Variants in ALDH5A1 observed in about 807,000 individuals in gnomAD.
The protein encoded by ALDH5A1 is aldehyde dehydrogenase 5 family member A1.
Under a neutral mutation model 54.7 loss-of-function variants are expected in ALDH5A1, and 33 were observed. That is an observed-to-expected ratio of 0.60 (90% CI 0.46 to 0.81). The LOEUF is 0.81. ALDH5A1 is among the 30% of genes least tolerant of loss of function. ALDH5A1 has a pLI of 0.00. For synonymous variants in ALDH5A1, 294 were observed against 292.7 expected (o/e 1.00, Z -0.05); for missense variants, 657 against 711.0 (o/e 0.92, Z 0.86).
intron 5 of ALDH5A1, among the ~76,000 whole-genome samples, chr6:24,517,868 C>G (rs144612741): frequency 7.6e-4 from 116 of 152,360 alleles, no homozygotes; most frequent in African/African-American, 2.6e-3. Context: ...GCATACACAG[C>G]GAGCCTGTTC....
rs1440564057 is a variant in ALDH5A1, at chr6:24,509,937, T to TCA, written c.726+4952_726+4953insCA. Among the ~76,000 whole-genome samples the TCA allele has an allele frequency of 6.6e-6, 1 of 152,162 alleles. No homozygotes were observed. The highest frequency in any genetic ancestry group is 2.1e-4 in the South Asian group (1 of 4,824). ...CTTTCAGACTTTTTGATGTAAGCAT[T>TCA]TAGGGCCATGAACTTGGCTCTTGGC... On this transcript the variant is annotated intron_variant, in intron 4 of 9. Transcript: ENST00000357578. This position sits in a 1 kb window ranked among gnomAD's most constrained non-coding sequence, Gnocchi z 4.7.
chr6:24,505,421 T>TATAAG (rs58966250), intron 4 of ALDH5A1, among the ~76,000 whole-genome samples: 135,558 of 151,590 alleles, frequency 0.89, 61,307 homozygotes, highest in African/African-American at 0.96. Flanking sequence ...TTCAAGGTCC[T>TATAAG]ATGTCACTTC....
intron 1 of ALDH5A1, among the ~76,000 whole-genome samples, chr6:24,496,757 C>G (rs576100491): frequency 1.3e-5 from 2 of 152,272 alleles, no homozygotes; most frequent in African/African-American, 4.8e-5. Flanking sequence ...TATATGTGTC[C>G]TAATCTCTTC....
At position 24,503,208 on chromosome 6, in the gene ALDH5A1, G is replaced by A. The variant is rs1283230928; in HGVS notation, c.439-55G>A. ...ATCTTGAAGAATTTAGGAACACAGA[G>A]CCATGCTTTTATTATTAGAAGGTAA... On this transcript the variant is annotated intron_variant, in intron 2 of 9. Transcript: ENST00000357578. 3.1e-6 allele frequency: 5 copies of A among 1,589,020 alleles called. No individual in the cohort carries two copies. The African/African-American group carries it at 4.0e-5, about 13-fold the overall frequency.
intron 1 of ALDH5A1, among the ~76,000 whole-genome samples, chr6:24,500,362 G>A (rs1329374806): frequency 6.6e-6 from 1 of 152,124 alleles, no homozygotes; most frequent in Non-Finnish European, 1.5e-5. Flanking sequence ...TTGCCAGTGA[G>A]CCACTATAAT....
chr6:24,505,085 T>G (rs1015882204), intron 4 of ALDH5A1, 100 bp downstream of exon 4: 1 of 1,208,274 alleles, frequency 8.3e-7, no homozygotes, highest in Admixed American at 1.7e-5. Flanking sequence ...CTTCTTTGCT[T>G]ACGCCTCCTG....
intron 7 of ALDH5A1, among the ~76,000 whole-genome samples, chr6:24,526,968 G>C (rs1414462208): frequency 2.7e-4 from 2 of 7,428 alleles, no homozygotes; most frequent in Non-Finnish European, 6.8e-4. Flanking sequence ...ATATATATGT[G>C]TGTGTGTATA....
intron 1 of ALDH5A1, among the ~76,000 whole-genome samples, chr6:24,496,399 A>G (rs1764705565): frequency 1.3e-5 from 2 of 152,214 alleles, no homozygotes; most frequent in Admixed American, 1.3e-4. Flanking sequence ...TCCGGGCCAG[A>G]GGGAAGGGGC....
intron 4 of ALDH5A1, among the ~76,000 whole-genome samples, chr6:24,512,412 A>G (rs1052984611): frequency 2.0e-5 from 3 of 152,216 alleles, no homozygotes; most frequent in Admixed American, 6.5e-5. Flanking sequence ...CATGATCTCT[A>G]AAATTATCTT....
chr6:24,517,923 C>A (rs1483650984), intron 5 of ALDH5A1, among the ~76,000 whole-genome samples: 1 of 152,232 alleles, frequency 6.6e-6, no homozygotes, highest in African/African-American at 2.4e-5. Context: ...GGGGGCCACC[C>A]CTCCCAGGAC....
chr6:24,500,896 A>T (rs1041084206), intron 1 of ALDH5A1, among the ~76,000 whole-genome samples: 2 of 151,660 alleles, frequency 1.3e-5, no homozygotes, highest in African/African-American at 4.8e-5. Flanking sequence ...TACAAAAAAA[A>T]TTTTTTTTTA....
At position 24,497,155 on chromosome 6, in the gene ALDH5A1, C is replaced by T. The variant is rs183952340; in HGVS notation, c.354+1805C>T. 1.6e-4 allele frequency among the ~76,000 whole-genome samples: 24 copies of T among 152,220 alleles called. 1 individual carries two copies. Among genetic ancestry groups the T allele is most frequent in the East Asian group, 1.5e-3 (8 of 5,176 alleles). On this transcript the variant is annotated intron_variant, in intron 1 of 9. Coordinates refer to ENST00000357578, the MANE Select transcript of ALDH5A1 (RefSeq NM_001080.3). The stretch of plus-strand genomic sequence containing the variant: ...GAGCAAAAGAAGAAAGCTTCCACAG[C>T]GCGGAAGGGGACCCGAGTGGGTTGT...
chr6:24,520,633 AGTGTGT>A (rs112834539), intron 6 of ALDH5A1, 89 bp downstream of exon 6: 15 of 1,494,656 alleles, frequency 1.0e-5, no homozygotes, highest in East Asian at 2.4e-5. Flanking sequence ...TGTGCATGTG[AGTGTGT>A]GTGTGTGTGC....
chr6:24,498,692 G>A (rs981291373), intron 1 of ALDH5A1, among the ~76,000 whole-genome samples: 15 of 151,164 alleles, frequency 9.9e-5, no homozygotes, highest in African/African-American at 3.5e-4. Flanking sequence ...GGCTGGGCAC[G>A]GTGGCTAACG....
chr6:24,529,609 CAGTG>C (rs1014303497), intron 8 of ALDH5A1, among the ~76,000 whole-genome samples: 7 of 150,142 alleles, frequency 4.7e-5, no homozygotes, highest in African/African-American at 7.4e-5. Context: ...GTATGGCACA[CAGTG>C]AGGTTTTTCA....
intron 8 of ALDH5A1, among the ~76,000 whole-genome samples, chr6:24,530,400 T>A (rs144532600): frequency 1.3e-5 from 2 of 152,346 alleles, no homozygotes; most frequent in African/African-American, 4.8e-5. Flanking sequence ...CATTTCTGTC[T>A]CCCGTGGTAT....
Position 24,515,203 on chromosome 6 carries a change from A to G in ALDH5A1, c.763A>G (p.Asn255Asp). 6.2e-7 allele frequency: 1 copy of G among 1,611,076 alleles called. No homozygotes were observed. Among genetic ancestry groups the G allele is most frequent in the Non-Finnish European group, 8.5e-7 (1 of 1,179,728 alleles). ...GGCTGGGATTCCTTCAGGTGTATACAATGTTATTCCCTGTTCTCGAAAGAA... is the reference window on the plus strand; with the variant it reads ...GGCTGGGATTCCTTCAGGTGTATACGATGTTATTCCCTGTTCTCGAAAGAA... ...SQAGIPSGVY[N>D]VIPCSRKNAK... is the part of the protein sequence containing the mutation. The change falls in exon 5 of 10, where the codon AAT (asparagine) becomes GAT (aspartate). Residue 255 changes from asparagine to aspartate, a missense_variant. Physicochemically the swap from Asn to Asp is conservative, Grantham distance 23. This residue lies in a region of ALDH5A1 where 425 missense variants were observed against 516.4 expected (regional missense o/e 0.82). Coordinates refer to ENST00000357578, the MANE Select transcript of ALDH5A1 (RefSeq NM_001080.3).
In ALDH5A1 at chr6:24,533,591, T is replaced by G; in HGVS notation, c.1487T>G (p.Leu496Ter). 1 of 1,614,150 alleles carries G rather than the reference T, an allele frequency of 6.2e-7. No homozygotes were observed. The highest frequency in any genetic ancestry group is 1.1e-5 in the South Asian group (1 of 91,078). ...GGCATGGTTGGCGTCAACGAAGGAT[T>G]AATTTCCTCTGTGGAGTGCCCTTTT... ...EVGMVGVNEG[L>*]ISSVECPFGG... Residue 496 changes from leucine to a stop codon, truncating the protein, a stop_gained, in exon 10 of 10, where the codon TTA (leucine) becomes TGA (stop). Coordinates refer to ENST00000357578, the MANE Select transcript of ALDH5A1 (RefSeq NM_001080.3). LOFTEE classifies it high-confidence loss of function.
At chr6:24,516,114 G>A (rs374953470) in intron 5 of ALDH5A1, among the ~76,000 whole-genome samples, 3 of 152,030 alleles carry the variant, frequency 2.0e-5, no homozygotes, top group African/African-American at 7.2e-5. Flanking sequence ...GTGTATGCCT[G>A]TAAGTAGATG....
Sources: gnomAD v4.1 joint callset for allele counts (sites outside exome capture counted in the v4.1 genomes callset) on GRCh38, gnomAD v4.1.1 for gene constraint, gnomAD v4.1.1 regional missense constraint, Gnocchi (gnomAD v3.1) non-coding constraint, MANE v1.5 for transcripts, NCBI Gene and HGNC (gene_info 2026-07-23, HGNC 2026-07-21) for gene names.